The following INPP5A variants were observed in gnomAD, a reference collection of about 807,000 sequenced individuals.
The protein encoded by INPP5A is 43 kDa inositol polyphosphate 5-phophatase.
Under a neutral mutation model 65.2 loss-of-function variants are expected in INPP5A, and 14 were observed. That is an observed-to-expected ratio of 0.21 (90% confidence interval 0.14 to 0.34). The LOEUF is 0.34. INPP5A is among the 10% of genes least tolerant of loss of function. The pLI is 1.00. For synonymous variants in INPP5A, 207 were observed against 208.3 expected (o/e 0.99, Z 0.05); for missense variants, 431 against 545.6 (o/e 0.79, Z 2.09).
At chr10:132,670,824 C>G (rs1385429513) in intron 4 of INPP5A, among the ~76,000 whole-genome samples, 1 of 144,664 alleles carries the variant, frequency 6.9e-6, no homozygotes, top group Non-Finnish European at 1.5e-5. Flanking sequence ...AAACTGATTT[C>G]TTGGCAGTGT....
chr10:132,608,850 G>T (rs754157114), intron 2 of INPP5A, among the ~76,000 whole-genome samples: 1 of 152,222 alleles, frequency 6.6e-6, no homozygotes, highest in Non-Finnish European at 1.5e-5. Context: ...GGAGGCCCAG[G>T]GGCCCTCTGT....
chr10:132,758,426 G>A (rs182829571), intron 11 of INPP5A, among the ~76,000 whole-genome samples: 1 of 149,682 alleles, frequency 6.7e-6, no homozygotes. Flanking sequence ...CCGTGGTGTG[G>A]GTCCTTGGCT....
At chr10:132,688,629 G>A (rs994054855) in intron 4 of INPP5A, among the ~76,000 whole-genome samples, 3 of 152,014 alleles carry the variant, frequency 2.0e-5, no homozygotes, top group African/African-American at 7.3e-5. Flanking sequence ...GTGAGCAAGT[G>A]CGTGCGTGTG....
rs180676583 is a variant in INPP5A at position 132,594,179 on chromosome 10, G to C, written c.76-13736G>C. Among the ~76,000 whole-genome samples, 133 of 152,282 alleles carry C rather than the reference G, an allele frequency of 8.7e-4. 1 individual carries two copies. Among genetic ancestry groups the C allele is most frequent in the Admixed American group, 2.7e-3 (41 of 15,304 alleles). On this transcript the variant is annotated intron_variant, in intron 1 of 15. Coordinates refer to ENST00000368594, the MANE Select transcript of INPP5A (RefSeq NM_005539.5). ...CAATGTTATGTTTGTCTCATAATAG[G>C]AACTTAGAACTTTCCTTCTTGTGCT...
At chr10:132,691,519 G>A (rs1054009957) in intron 5 of INPP5A, among the ~76,000 whole-genome samples, 2 of 152,262 alleles carry the variant, frequency 1.3e-5, no homozygotes, top group Non-Finnish European at 2.9e-5. Flanking sequence ...AGGCTGCGCC[G>A]TGCCGCGGAT....
chr10:132,723,112 A>C (rs971290414), intron 8 of INPP5A, among the ~76,000 whole-genome samples: 1 of 152,204 alleles, frequency 6.6e-6, no homozygotes, highest in Admixed American at 6.5e-5. Flanking sequence ...GATCCAGTTT[A>C]GGGTTTCATG....
chr10:132,636,560 C>T (rs1239980941), intron 2 of INPP5A, among the ~76,000 whole-genome samples: 1 of 152,212 alleles, frequency 6.6e-6, no homozygotes, highest in Non-Finnish European at 1.5e-5. Context: ...CTTTGGAAAT[C>T]GAGGTTGTGG....
chr10:132,584,953 C>T (rs946217876), intron 1 of INPP5A, among the ~76,000 whole-genome samples: 1 of 152,044 alleles, frequency 6.6e-6, no homozygotes, highest in African/African-American at 2.4e-5. Flanking sequence ...TCTTTCCTGG[C>T]CTCAGGCCTC....
chr10:132,658,270 C>G (rs956438237), intron 4 of INPP5A, among the ~76,000 whole-genome samples: 1 of 152,146 alleles, frequency 6.6e-6, no homozygotes, highest in African/African-American at 2.4e-5. Flanking sequence ...TTATTTACTT[C>G]CTAAAAGTGT....
intron 9 of INPP5A, among the ~76,000 whole-genome samples, chr10:132,740,282 C>T (rs1846250429): frequency 6.6e-6 from 1 of 152,148 alleles, no homozygotes; most frequent in South Asian, 2.1e-4. Flanking sequence ...CAGTAGGCTC[C>T]ATAGTTTTCT....
At chr10:132,761,341 G>A (rs1846729387) in intron 11 of INPP5A, among the ~76,000 whole-genome samples, 1 of 152,240 alleles carries the variant, frequency 6.6e-6, no homozygotes, top group Non-Finnish European at 1.5e-5. Flanking sequence ...GTGCACTGTG[G>A]GGGCATGTGT....
At chr10:132,743,565 G>A (rs1026700919) in intron 9 of INPP5A, among the ~76,000 whole-genome samples, 11 of 152,262 alleles carry the variant, frequency 7.2e-5, no homozygotes, top group African/African-American at 2.4e-4. Flanking sequence ...TGTCCCGTGA[G>A]TATCAATTGG....
intron 1 of INPP5A, among the ~76,000 whole-genome samples, chr10:132,590,906 G>A (rs1354296383): frequency 2.0e-5 from 3 of 152,210 alleles, no homozygotes; most frequent in African/African-American, 7.2e-5. Context: ...GTTGCTCCAT[G>A]GTTTTCACTT....
intron 13 of INPP5A, among the ~76,000 whole-genome samples, chr10:132,778,458 G>A (rs867527551): frequency 1.8e-4 from 28 of 151,858 alleles, no homozygotes; most frequent in Middle Eastern, 3.4e-3. Context: ...CACTGCACCC[G>A]GTCAATCCTG....
In INPP5A at chr10:132,550,579, G is replaced by C. The variant is rs1487526195; in HGVS notation, c.75+12408G>C. Among the ~76,000 whole-genome samples, 2 of 152,216 alleles carry C rather than the reference G, an allele frequency of 1.3e-5. No homozygotes were observed. The highest frequency in any genetic ancestry group is 4.8e-5 in the African/African-American group (2 of 41,440). ...TGCTGAGAGGGCCTGGCTGTGAGCCGCATGGTACGAACCTTCTGAATGCAA... is the reference window on the plus strand; with the variant it reads ...TGCTGAGAGGGCCTGGCTGTGAGCCCCATGGTACGAACCTTCTGAATGCAA... On this transcript the variant is annotated intron_variant, in intron 1 of 15. Coordinates refer to ENST00000368594, the MANE Select transcript of INPP5A (RefSeq NM_005539.5). This position sits in a 1 kb window ranked among gnomAD's most constrained non-coding sequence, Gnocchi z 4.2.
rs150279744 is a variant in INPP5A, at chr10:132,721,761, C to G, written c.648-5060C>G. Among the ~76,000 whole-genome samples, 289 of 151,798 alleles carry G rather than the reference C, an allele frequency of 1.9e-3. 5 individuals carry two copies. The highest frequency in any genetic ancestry group is 6.8e-3 in the African/African-American group (279 of 41,266). The stretch of plus-strand genomic sequence containing the variant: ...TTCAGGGTTCTGTGGTGCCTGGGTT[C>G]TGTCTGGGCACCTGAGACGGCTGTC... On this transcript the variant is annotated intron_variant, in intron 8 of 15. Transcript: ENST00000368594.
chr10:132,765,887 G>T (rs879762075), intron 12 of INPP5A, 41 bp downstream of exon 12: 3 of 1,233,516 alleles, frequency 2.4e-6, no homozygotes, highest in East Asian at 2.3e-5. Flanking sequence ...CGGCCGGGAA[G>T]GTGGCGTCTC....
At chr10:132,540,460 T>G (rs914115881) in intron 1 of INPP5A, among the ~76,000 whole-genome samples, 2 of 152,272 alleles carry the variant, frequency 1.3e-5, no homozygotes, top group Non-Finnish European at 2.9e-5. Flanking sequence ...ATTTCAGGGC[T>G]GAGTGGAAAC....
rs1288302683 is a variant in INPP5A, at chr10:132,538,730, T to TC, written c.75+562dup. On this transcript the variant is annotated intron_variant, in intron 1 of 15. Transcript: ENST00000368594. The surrounding 1 kb of genome is among the most constrained non-coding windows in gnomAD (Gnocchi z 4.1). ...CCTGCTCTCAAACGTCTGTCTCTGG[T>TC]CCCTGAGCCCTGGACCCCAAACCCT... Among the ~76,000 whole-genome samples the TC allele has an allele frequency of 2.0e-5, 3 of 151,968 alleles. No individual in the cohort carries two copies.
Sources: allele counts gnomAD v4.1 joint callset (sites outside exome capture counted in the v4.1 genomes callset), GRCh38; gene constraint gnomAD v4.1.1; non-coding constraint Gnocchi (gnomAD v3.1); transcripts MANE v1.5; gene names NCBI Gene and HGNC (gene_info 2026-07-23, HGNC 2026-07-21).